Variants in NFU1 observed in about 807,000 individuals in gnomAD.
NFU1 encodes the protein NFU1 iron-sulfur cluster scaffold homolog, mitochondrial.
A neutral mutation model predicts 32.2 loss-of-function variants in NFU1; 30 were observed. The ratio of observed to expected loss-of-function variants is 0.93; its 90% CI spans 0.70 to 1.26. NFU1 has a LOEUF of 1.26. NFU1 is among the 50% of genes most tolerant of loss of function. NFU1 has a pLI of 0.00. For missense variants in NFU1, 306 were observed against 306.6 expected (o/e 1.00, Z 0.02); for synonymous variants, 112 against 104.6 (o/e 1.07, Z -0.43).
At chr2:69,411,473 A>T (rs1672875842) in intron 5 of NFU1, among the ~76,000 whole-genome samples, 1 of 152,226 alleles carries the variant, frequency 6.6e-6, no homozygotes, top group African/African-American at 2.4e-5. Context: ...TCTGTATGAC[A>T]AAAGACATCA....
Position 69,396,235 on chromosome 2 carries a change from T to A in NFU1, c.*11A>T, listed in dbSNP as rs773084028. 5 of 1,609,130 alleles carry A rather than the reference T, an allele frequency of 3.1e-6. No individual in the cohort carries two copies. The East Asian group carries it at 1.1e-4, about 36-fold the overall frequency. ...GTCTGACTGTTATGCCCAAAGAAAA[T>A]CCAGATTATTTTAAGGTGAGTTTGC... On this transcript the variant is annotated 3_prime_UTR_variant, in exon 8 of 8. Transcript: ENST00000410022.
intron 2 of NFU1, among the ~76,000 whole-genome samples, chr2:69,427,782 G>C (rs1428106886): frequency 6.6e-6 from 1 of 151,518 alleles, no homozygotes; most frequent in Non-Finnish European, 1.5e-5. Flanking sequence ...AGGAGTTCAG[G>C]ACCAGCCTGG....
At position 69,399,358 on chromosome 2, in the gene NFU1, G is replaced by A. The variant is rs559083149; in HGVS notation, c.720+1006C>T. 7 of 455,780 alleles carry A rather than the reference G, an allele frequency of 1.5e-5. No individual in the cohort carries two copies. The East Asian group carries it at 4.9e-4, about 32-fold the overall frequency. 28.2% of individuals were successfully genotyped at this position (455,780 alleles called of 1,614,324 possible). A position where few individuals can be genotyped will look rare whatever the true frequency, so the allele number is the denominator to read the frequency against. ...CACTGCAGTGAGACTCATTATTACT[G>A]ATGACAAGGTGCTGTGTTATACTCC... On this transcript the variant is annotated intron_variant, in intron 7 of 7. Transcript: ENST00000410022.
At chr2:69,433,437 C>T (rs191412951) in intron 1 of NFU1, among the ~76,000 whole-genome samples, 1 of 151,940 alleles carries the variant, frequency 6.6e-6, no homozygotes, top group Non-Finnish European at 1.5e-5. Flanking sequence ...GTATCGGCCT[C>T]CCAAAGTGCT....
At chr2:69,418,553 G>A (rs1193582742) in intron 4 of NFU1, among the ~76,000 whole-genome samples, 12 of 152,034 alleles carry the variant, frequency 7.9e-5, no homozygotes, top group African/African-American at 1.4e-4. Context: ...TGCAAGCTCC[G>A]CCTCCCGGGT....
intron 3 of NFU1, among the ~76,000 whole-genome samples, chr2:69,420,132 A>G (rs911810734): frequency 3.3e-5 from 5 of 151,954 alleles, no homozygotes; most frequent in African/African-American, 9.7e-5. Flanking sequence ...CAGCCTCCCA[A>G]GTAGCTGGGA....
At chr2:69,413,519 G>C (rs1487597448) in intron 5 of NFU1, among the ~76,000 whole-genome samples, 1 of 152,170 alleles carries the variant, frequency 6.6e-6, no homozygotes, top group Non-Finnish European at 1.5e-5. Flanking sequence ...CCCAACTTTG[G>C]AAGGCCAAGG....
At chr2:69,412,072 G>T (rs1431160902) in intron 5 of NFU1, among the ~76,000 whole-genome samples, 4 of 152,092 alleles carry the variant, frequency 2.6e-5, no homozygotes, top group African/African-American at 2.4e-5. Context: ...TTGGCGGGGG[G>T]ACGGAGTCTC....
At chr2:69,397,914 CAAA>C (rs56659765) in intron 7 of NFU1, among the ~76,000 whole-genome samples, 3,048 of 107,252 alleles carry the variant, frequency 0.028, 113 homozygotes, top group East Asian at 0.22. Context: ...AACTACGTCT[CAAA>C]AAAAAAAAAA....
At chr2:69,415,090 T>C (rs967848659) in intron 5 of NFU1, 95 bp downstream of exon 5, 6 of 715,562 alleles carry the variant, frequency 8.4e-6, no homozygotes, top group Middle Eastern at 2.4e-4. Flanking sequence ...GATAGAAATC[T>C]AGATTCCTAT....
intron 2 of NFU1, among the ~76,000 whole-genome samples, chr2:69,428,851 T>C (rs563674899): frequency 5.3e-5 from 8 of 152,212 alleles, no homozygotes; most frequent in Non-Finnish European, 8.8e-5. Context: ...TTCTTAGTCA[T>C]TACAGAAAAA....
intron 1 of NFU1, among the ~76,000 whole-genome samples, chr2:69,432,999 A>C (rs143784052): frequency 0.012 from 1,870 of 151,678 alleles, 43 homozygotes; most frequent in African/African-American, 0.043. Flanking sequence ...AAAATACAAA[A>C]AATAGCTGGG....
chr2:69,412,239 TG>T (rs1672906455), intron 5 of NFU1, among the ~76,000 whole-genome samples: 1 of 151,258 alleles, frequency 6.6e-6, no homozygotes, highest in African/African-American at 2.4e-5. Flanking sequence ...TTAGCAGAGA[TG>T]GGGTTTTACC....
chr2:69,399,127 C>G, intron 7 of NFU1: 1 of 235,246 alleles, frequency 4.3e-6, no homozygotes, highest in South Asian at 4.4e-5. Context: ...GGAACTGCTT[C>G]AACCTGGGAG....
intron 5 of NFU1, among the ~76,000 whole-genome samples, chr2:69,408,748 A>T (rs1574120700): frequency 5.4e-5 from 1 of 18,636 alleles, no homozygotes; most frequent in Non-Finnish European, 8.9e-5. Context: ...ATATATATAT[A>T]TATATATATA....
chr2:69,412,530 G>C (rs1672918856), intron 5 of NFU1, among the ~76,000 whole-genome samples: 1 of 151,934 alleles, frequency 6.6e-6, no homozygotes. Context: ...GGGATTACAG[G>C]CACGCGCCAC....
intron 2 of NFU1, among the ~76,000 whole-genome samples, chr2:69,425,170 G>A (rs955080216): frequency 6.6e-6 from 1 of 151,704 alleles, no homozygotes; most frequent in Non-Finnish European, 1.5e-5. Flanking sequence ...GAGCCACCGC[G>A]CCCAGCCAAA....
intron 4 of NFU1, among the ~76,000 whole-genome samples, chr2:69,418,079 C>A (rs1436279279): frequency 6.6e-6 from 1 of 150,708 alleles, no homozygotes; most frequent in Non-Finnish European, 1.5e-5. Flanking sequence ...CCCTTCTTCT[C>A]CTTAAAAAAT....
chr2:69,402,009 T>C (rs1672537819), intron 6 of NFU1, among the ~76,000 whole-genome samples: 1 of 152,060 alleles, frequency 6.6e-6, no homozygotes, highest in Admixed American at 6.6e-5. Flanking sequence ...TTCTCCTGCC[T>C]CAGACTCCCA....
Sources: gnomAD v4.1 joint callset for allele counts (sites outside exome capture counted in the v4.1 genomes callset) on GRCh38, gnomAD v4.1.1 for gene constraint, MANE v1.5 for transcripts, NCBI Gene and HGNC (gene_info 2026-07-23, HGNC 2026-07-21) for gene names.